The following NTRK3 variants were observed in gnomAD, a reference collection of about 807,000 sequenced individuals.
The protein encoded by NTRK3 is neurotrophic receptor tyrosine kinase 3.
NTRK3 carries 24 observed loss-of-function variants against 91.7 expected under a neutral mutation model. That is an observed-to-expected ratio of 0.26 (90% confidence interval 0.19 to 0.37). The LOEUF is 0.37. Among genes scored for constraint, NTRK3 ranks in the 10% least tolerant of loss-of-function variants. NTRK3 has a pLI of 1.00. For synonymous variants in NTRK3, 483 were observed against 404.0 expected (o/e 1.20, Z -2.34); for missense variants, 880 against 1,068.9 (o/e 0.82, Z 2.46).
rs190063937 is a variant in NTRK3 at position 88,096,283 on chromosome 15, C to G, written c.1396+29988G>C. 3.1e-3 allele frequency among the ~76,000 whole-genome samples: 472 copies of G among 152,286 alleles called. 2 individuals carry two copies. Among genetic ancestry groups the G allele is most frequent in the Non-Finnish European group, 4.0e-3 (275 of 68,002 alleles). On this transcript the variant is annotated intron_variant, in intron 13 of 18. Transcript: ENST00000394480. ...CTTATTACATCCAGAGAGCCCCCAGCATCCCTCCATCATTTACATTTTGCC... is the reference window on the plus strand; with the variant it reads ...CTTATTACATCCAGAGAGCCCCCAGGATCCCTCCATCATTTACATTTTGCC...
chr15:87,874,524 C>T, exon 19 of NTRK3: 1 of 233,200 alleles, frequency 4.3e-6, no homozygotes, highest in Non-Finnish European at 8.5e-6. Context: ...CCATCTCCAA[C>T]CCAGTTCTTC....
chr15:88,130,212 T>C (rs1338841310), intron 10 of NTRK3, among the ~76,000 whole-genome samples: 1 of 152,084 alleles, frequency 6.6e-6, no homozygotes, highest in Non-Finnish European at 1.5e-5. Context: ...TAGAACAAAA[T>C]AAATATCCAT....
chr15:88,007,135 T>A (rs573880873), intron 14 of NTRK3, among the ~76,000 whole-genome samples: 2 of 152,340 alleles, frequency 1.3e-5, no homozygotes, highest in Non-Finnish European at 2.9e-5. Context: ...GGGGTTGATG[T>A]GCTGGGATGT....
intron 3 of NTRK3, among the ~76,000 whole-genome samples, chr15:88,223,540 A>G (rs1284870869): frequency 6.6e-6 from 1 of 152,232 alleles, no homozygotes; most frequent in African/African-American, 2.4e-5. Flanking sequence ...AGGGGCCAGA[A>G]GCAGGCCTGG....
chr15:88,168,501 C>T (rs1025200783), intron 5 of NTRK3, among the ~76,000 whole-genome samples: 2 of 152,204 alleles, frequency 1.3e-5, no homozygotes, highest in African/African-American at 4.8e-5. Flanking sequence ...TGTATAATTA[C>T]AAGAGCTTAA....
chr15:88,047,805 G>A (rs1168992045), intron 13 of NTRK3, among the ~76,000 whole-genome samples: 1 of 152,166 alleles, frequency 6.6e-6, no homozygotes, highest in Non-Finnish European at 1.5e-5. Context: ...GCCCCCTTTG[G>A]TCTGGATGAA....
chr15:88,053,248 T>C (rs537598411), intron 13 of NTRK3, among the ~76,000 whole-genome samples: 1 of 152,254 alleles, frequency 6.6e-6, no homozygotes, highest in Non-Finnish European at 1.5e-5. Context: ...GTAATGAGGC[T>C]AATTTTATAT....
chr15:88,162,217 A>G (rs1199416533), intron 5 of NTRK3, among the ~76,000 whole-genome samples: 1 of 152,152 alleles, frequency 6.6e-6, no homozygotes, highest in African/African-American at 2.4e-5. Context: ...TAGCTAGACA[A>G]CTCATGAACA....
intron 3 of NTRK3, chr15:88,209,856 G>T (rs2049094233): frequency 6.6e-6 from 1 of 152,300 alleles, no homozygotes; most frequent in East Asian, 1.9e-4. Context: ...ATTTCCAGGG[G>T]TCAGGCCTGA....
chr15:87,931,945 G>A (rs546316294), intron 16 of NTRK3, among the ~76,000 whole-genome samples: 18 of 152,294 alleles, frequency 1.2e-4, no homozygotes, highest in African/African-American at 1.9e-4. Flanking sequence ...TGTGGTGGTC[G>A]CAGAGGCCAC....
intron 13 of NTRK3, among the ~76,000 whole-genome samples, chr15:88,067,327 C>G (rs1313727312): frequency 6.6e-6 from 1 of 152,174 alleles, no homozygotes; most frequent in African/African-American, 2.4e-5. Flanking sequence ...CAATAATTAT[C>G]TATGGTTTCC....
chr15:88,044,319 G>A (rs1406160064), intron 13 of NTRK3, among the ~76,000 whole-genome samples: 5 of 140,178 alleles, frequency 3.6e-5, no homozygotes, highest in Admixed American at 7.5e-5. Context: ...GGAGTGCAGT[G>A]ACACGATCTC....
chr15:88,067,514 C>T (rs981381946), intron 13 of NTRK3, among the ~76,000 whole-genome samples: 6 of 152,120 alleles, frequency 3.9e-5, no homozygotes, highest in Non-Finnish European at 8.8e-5. Context: ...GTTAAAAGCA[C>T]GATGTGATTC....
In NTRK3 at chr15:88,134,642, G is replaced by A. The variant is rs62019261; in HGVS notation, c.1204+459C>T. 3.3e-3 allele frequency among the ~76,000 whole-genome samples: 500 copies of A among 152,314 alleles called. 5 individuals carry two copies. Among genetic ancestry groups the A allele is most frequent in the Non-Finnish European group, 5.6e-3 (380 of 68,028 alleles). ...CAAGTCCTTTGCAATGGGAAATCCCGGAACCATCATCAGGTGTCAAACCCT... is the reference window on the plus strand; with the variant it reads ...CAAGTCCTTTGCAATGGGAAATCCCAGAACCATCATCAGGTGTCAAACCCT... On this transcript the variant is annotated intron_variant, in intron 10 of 18. Transcript: ENST00000394480.
intron 3 of NTRK3, among the ~76,000 whole-genome samples, chr15:88,207,576 C>G (rs536230127): frequency 6.8e-4 from 103 of 152,328 alleles, no homozygotes; most frequent in African/African-American, 2.2e-3. Context: ...ATTAGGGGGA[C>G]AAGAGCTTTT....
rs1451221131 is a variant in NTRK3, at chr15:88,233,206, C to A, written c.248+22700G>T. Reference sequence around the variant, plus strand: ...ATAAGCAAAAAGAAAAAATTAAAACCGTAGAGCACATTGCCAATAAATAAC... The same window carrying A: ...ATAAGCAAAAAGAAAAAATTAAAACAGTAGAGCACATTGCCAATAAATAAC... On this transcript the variant is annotated intron_variant, in intron 3 of 18. Coordinates refer to ENST00000394480, the Ensembl canonical transcript of NTRK3. The surrounding 1 kb of genome is among the most constrained non-coding windows in gnomAD (Gnocchi z 4.2). Among the ~76,000 whole-genome samples, 1 of 152,110 alleles carries A rather than the reference C, an allele frequency of 6.6e-6. No individual in the cohort carries two copies. The highest frequency in any genetic ancestry group is 1.5e-5 in the Non-Finnish European group (1 of 68,030).
chr15:87,899,608 G>A (rs922404756), intron 17 of NTRK3, among the ~76,000 whole-genome samples: 1 of 152,124 alleles, frequency 6.6e-6, no homozygotes, highest in Admixed American at 6.5e-5. Context: ...ACTGCCAACA[G>A]AAAATGCCAG....
chr15:87,918,230 C>T (rs1228157719), intron 17 of NTRK3, among the ~76,000 whole-genome samples: 1 of 152,176 alleles, frequency 6.6e-6, no homozygotes, highest in East Asian at 1.9e-4. Flanking sequence ...AGCAATCTAT[C>T]CCACATGCCA....
chr15:88,070,260 G>A (rs1234468720), intron 13 of NTRK3, among the ~76,000 whole-genome samples: 2 of 152,156 alleles, frequency 1.3e-5, no homozygotes, highest in African/African-American at 2.4e-5. Flanking sequence ...GCCTTGGGCA[G>A]TTTCCTTAGA....
Sources: gnomAD v4.1 joint callset for allele counts (sites outside exome capture counted in the v4.1 genomes callset) on GRCh38, gnomAD v4.1.1 for gene constraint, Gnocchi (gnomAD v3.1) non-coding constraint, MANE v1.5 for transcripts, NCBI Gene and HGNC (gene_info 2026-07-23, HGNC 2026-07-21) for gene names.